The following AMZ2 variants were observed in gnomAD, a reference collection of about 807,000 sequenced individuals.
AMZ2 encodes the protein archaemetzincin-2.
Under a neutral mutation model 36.7 loss-of-function variants are expected in AMZ2, and 26 were observed. That is an observed-to-expected ratio of 0.71 (90% CI 0.52 to 0.98). The LOEUF (loss-of-function observed/expected upper bound fraction) is 0.98. Ranked by LOEUF, AMZ2 falls within the 50% of genes least tolerant of loss-of-function variation. The probability of loss-of-function intolerance (pLI) is 0.00; values close to 1 mark genes in which losing one functional copy is unlikely to be tolerated. For missense variants in AMZ2, 394 were observed against 430.5 expected (o/e 0.92, Z 0.75); for synonymous variants, 144 against 149.1 (o/e 0.97, Z 0.25).
chr17:68,230,421 G>T (rs140792148), intron 1 of AMZ2, among the ~76,000 whole-genome samples: 1 of 152,160 alleles, frequency 6.6e-6, no homozygotes, highest in Non-Finnish European at 1.5e-5. Flanking sequence ...CCCTCCATGC[G>T]TGCCCCTTGG....
rs1325197591 is a variant in AMZ2 at position 68,250,906 on chromosome 17, T to C, written c.396T>C (p.Val132=). 3.1e-6 allele frequency: 5 copies of C among 1,610,492 alleles called. No individual in the cohort carries two copies. The African/African-American group carries it at 6.7e-5, about 22-fold the overall frequency. The change falls in exon 3 of 7, where the codon GTT becomes GTC. Residue 132 remains valine (V), a synonymous_variant. Coordinates refer to ENST00000359904, the MANE Select transcript of AMZ2 (RefSeq NM_016627.5). ...LRVKLLEPVP[V]SVTRCSFRVN... ...TAAAACTCCTAGAACCAGTTCCTGTTTCTGTAACAAGATGTTCCTTTAGAG... is the reference window on the plus strand; with the variant it reads ...TAAAACTCCTAGAACCAGTTCCTGTCTCTGTAACAAGATGTTCCTTTAGAG...
At chr17:68,213,255 T>C (rs2073111968) in intron 1 of AMZ2, among the ~76,000 whole-genome samples, 1 of 152,262 alleles carries the variant, frequency 6.6e-6, no homozygotes, top group Admixed American at 6.5e-5. Context: ...ATGGACTGCC[T>C]GGCCTCTTCA....
rs1293511617 is a variant in AMZ2, at chr17:68,248,125, C to G, written c.-581C>G. ...AGGCCTGTCGGGTCAGGGCGGTTCG[C>G]GGGTGCTGTCAGAGCTGGGCCGGGG... On this transcript the variant is annotated 5_prime_UTR_variant, in exon 1 of 7. Coordinates refer to ENST00000359904, the MANE Select transcript of AMZ2 (RefSeq NM_016627.5). 12 of 986,346 alleles carry G rather than the reference C, an allele frequency of 1.2e-5. No individual in the cohort carries two copies. Among genetic ancestry groups the G allele is most frequent in the Non-Finnish European group, 1.4e-5 (12 of 830,702 alleles). 61.1% of individuals were successfully genotyped at this position (986,346 alleles called of 1,614,324 possible).
intron 1 of AMZ2, among the ~76,000 whole-genome samples, chr17:68,211,467 CACT>C (rs1233156622): frequency 6.7e-6 from 1 of 149,126 alleles, no homozygotes; most frequent in Non-Finnish European, 1.5e-5. Context: ...TACACCACTG[CACT>C]CCAGCCTGGG....
intron 2 of AMZ2, 104 bp downstream of exon 2, chr17:68,250,574 G>GT: frequency 1.4e-6 from 2 of 1,421,574 alleles, no homozygotes; most frequent in Non-Finnish European, 1.9e-6. Flanking sequence ...TTTTAGGATC[G>GT]TTTTTGATAT....
chr17:68,245,347 C>G (rs183058246), upstream of AMZ2, among the ~76,000 whole-genome samples: 26 of 152,188 alleles, frequency 1.7e-4, 1 homozygote, highest in African/African-American at 6.3e-4. Context: ...AACCCATCCT[C>G]CCACCTCTGC....
At chr17:68,224,207 T>G (rs1210527825) in intron 1 of AMZ2, among the ~76,000 whole-genome samples, 1 of 151,970 alleles carries the variant, frequency 6.6e-6, no homozygotes, top group Non-Finnish European at 1.5e-5. Context: ...CCTCCCAAAA[T>G]GCTGGGATTA....
chr17:68,215,411 T>C (rs2073171077), intron 1 of AMZ2, among the ~76,000 whole-genome samples: 6 of 135,544 alleles, frequency 4.4e-5, no homozygotes. Context: ...GAAATAACTG[T>C]AACCACATTT....
At chr17:68,219,617 G>C (rs1283540326) in intron 1 of AMZ2, among the ~76,000 whole-genome samples, 38 of 152,024 alleles carry the variant, frequency 2.5e-4, no homozygotes, top group Non-Finnish European at 4.3e-4. Flanking sequence ...CTTTCGCTTT[G>C]ACTTCCCAGG....
At chr17:68,247,794 C>G, upstream of AMZ2, 2 of 985,574 alleles carry the variant, frequency 2.0e-6, no homozygotes, top group East Asian at 1.1e-4. Context: ...GGAGCCGCCG[C>G]GAGCGCAAGC....
intron 1 of AMZ2, among the ~76,000 whole-genome samples, chr17:68,239,852 C>T (rs1205831208): frequency 6.6e-6 from 1 of 152,014 alleles, no homozygotes; most frequent in African/African-American, 2.4e-5. Context: ...CCAAAGATTA[C>T]CAGATGTTGA....
intron 1 of AMZ2, among the ~76,000 whole-genome samples, chr17:68,224,922 A>G (rs2073474364): frequency 6.6e-6 from 1 of 151,854 alleles, no homozygotes. Flanking sequence ...TCACACCTGT[A>G]ATCCCAGCAT....
intron 1 of AMZ2, among the ~76,000 whole-genome samples, chr17:68,226,245 G>A (rs1411164592): frequency 1.1e-4 from 17 of 152,100 alleles, no homozygotes; most frequent in Non-Finnish European, 2.2e-4. Flanking sequence ...CAAGCAAAAG[G>A]ACTGGGAGAA....
intron 1 of AMZ2, among the ~76,000 whole-genome samples, chr17:68,208,025 C>A (rs1441939406): frequency 2.6e-5 from 4 of 152,194 alleles, no homozygotes; most frequent in African/African-American, 9.7e-5. Flanking sequence ...TGCTCAATTT[C>A]TCGCAGGGCC....
intron 1 of AMZ2, among the ~76,000 whole-genome samples, chr17:68,236,941 T>C (rs771627315): frequency 1.3e-5 from 2 of 152,206 alleles, no homozygotes; most frequent in South Asian, 2.1e-4. Context: ...TCAAATTATA[T>C]ATACACTGCT....
At chr17:68,244,128 A>C (rs1555734675), upstream of AMZ2, among the ~76,000 whole-genome samples, 2 of 152,178 alleles carry the variant, frequency 1.3e-5, no homozygotes, top group Non-Finnish European at 2.9e-5. Flanking sequence ...CATATGGAAA[A>C]ATGGAAGGCT....
At position 68,225,590 on chromosome 17, in the gene AMZ2, T is replaced by C. The variant is rs1555729693; in HGVS notation, c.-67+19352T>C. Among the ~76,000 whole-genome samples the C allele has an allele frequency of 2.0e-5, 3 of 152,218 alleles. 1 individual carries two copies. The South Asian group carries it at 6.2e-4, about 31-fold the overall frequency. On this transcript the variant is annotated intron_variant, in intron 1 of 7. Coordinates refer to the AMZ2 transcript ENST00000674770. Reference sequence around the variant, plus strand: ...AAAGTTAGCATTGTGTTCAGGCACATAGTAAACATTCCTCAATGGTGAGAA... The same window carrying C: ...AAAGTTAGCATTGTGTTCAGGCACACAGTAAACATTCCTCAATGGTGAGAA...
At chr17:68,223,177 G>A (rs2073413156) in intron 1 of AMZ2, among the ~76,000 whole-genome samples, 1 of 152,174 alleles carries the variant, frequency 6.6e-6, no homozygotes, top group Non-Finnish European at 1.5e-5. Context: ...GTGTATGTTT[G>A]AAACTTTCCA....
intron 1 of AMZ2, among the ~76,000 whole-genome samples, chr17:68,224,968 G>A (rs564968884): frequency 4.0e-5 from 6 of 151,352 alleles, no homozygotes; most frequent in Non-Finnish European, 7.4e-5. Context: ...ACCTGAGGTC[G>A]GGAGTTCGAG....
Sources: allele counts gnomAD v4.1 joint callset (sites outside exome capture counted in the v4.1 genomes callset), GRCh38; gene constraint gnomAD v4.1.1; transcripts MANE v1.5; gene names NCBI Gene and HGNC (gene_info 2026-07-23, HGNC 2026-07-21).